The following PCDH15 variants were observed in gnomAD, a reference collection of about 807,000 sequenced individuals.
PCDH15 encodes protocadherin related 15, also known as protocadherin-15.
In PCDH15, 129 loss-of-function variants were observed where a neutral mutation model predicts 178.5. That is an observed-to-expected ratio of 0.72 (90% CI 0.63 to 0.84). The LOEUF (loss-of-function observed/expected upper bound fraction) is 0.84. Ranked by LOEUF, PCDH15 falls within the 40% of genes least tolerant of loss-of-function variation. The pLI is 0.00. For missense variants in PCDH15, 2,230 were observed against 2,099.9 expected (o/e 1.06, Z -1.21); for synonymous variants, 800 against 732.0 (o/e 1.09, Z -1.50).
chr10:55,341,897 T>A (rs1212875989), intron 2 of PCDH15, among the ~76,000 whole-genome samples: 2 of 141,146 alleles, frequency 1.4e-5, no homozygotes, highest in Non-Finnish European at 3.0e-5. Context: ...TCTGCCCACC[T>A]CAGCCAGCCT....
chr10:55,451,650 T>C (rs1230171180), intron 2 of PCDH15, among the ~76,000 whole-genome samples: 2 of 152,206 alleles, frequency 1.3e-5, no homozygotes, highest in African/African-American at 2.4e-5. Context: ...TCATGAAACA[T>C]GTGTGATACT....
In PCDH15 at chr10:53,967,733, A is replaced by G. The variant is rs1461794692; in HGVS notation, c.2869-5841T>C. ...TAAACTATAGAAAACATTTAAAATC[A>G]ATATGAAAATTTTAAATATTAATTT... On this transcript the variant is annotated intron_variant, in intron 21 of 37. Transcript: ENST00000644397. Among the ~76,000 whole-genome samples the G allele has an allele frequency of 2.6e-5, 4 of 152,340 alleles. No homozygotes were observed. In the East Asian group the frequency reaches 5.8e-4, roughly 22 times the overall value.
At chr10:54,811,361 A>C (rs1952859463) in intron 3 of PCDH15, among the ~76,000 whole-genome samples, 4 of 152,138 alleles carry the variant, frequency 2.6e-5, no homozygotes, top group African/African-American at 9.7e-5. Context: ...GAAAAATTCT[A>C]GTTTTGAGAT....
chr10:54,256,272 G>A lies in PCDH15; in HGVS notation c.877-19341C>T, dbSNP rs148540657. 5.7e-3 allele frequency among the ~76,000 whole-genome samples: 868 copies of A among 152,182 alleles called. 3 individuals carry two copies. Among genetic ancestry groups the A allele is most frequent in the African/African-American group, 0.015 (617 of 41,526 alleles). ...GCAATGGCAGAAAAGATAAAAAAAA[G>A]CATTTAATGATGATCTGATGACTAA... On this transcript the variant is annotated intron_variant, in intron 8 of 37. Transcript: ENST00000644397.
intron 1 of PCDH15, among the ~76,000 whole-genome samples, chr10:55,191,585 T>C (rs911897255): frequency 6.6e-6 from 1 of 151,880 alleles, no homozygotes; most frequent in Non-Finnish European, 1.5e-5. Flanking sequence ...ATTTAATCTC[T>C]TTTAACATGG....
At chr10:55,460,112 T>A (rs576755023) in intron 2 of PCDH15, among the ~76,000 whole-genome samples, 2 of 151,574 alleles carry the variant, frequency 1.3e-5, no homozygotes, top group South Asian at 4.2e-4. Flanking sequence ...TGCCACAGAG[T>A]TGGGGGTACG....
At chr10:55,038,651 A>T (rs2131974362) in intron 2 of PCDH15, among the ~76,000 whole-genome samples, 1 of 152,328 alleles carries the variant, frequency 6.6e-6, no homozygotes, top group Non-Finnish European at 1.5e-5. Context: ...TTCTGTTCTG[A>T]TGGGCAGTTG....
At chr10:55,542,077 A>G (rs1012472894) in intron 2 of PCDH15, among the ~76,000 whole-genome samples, 10 of 151,354 alleles carry the variant, frequency 6.6e-5, no homozygotes, top group Admixed American at 1.3e-4. Flanking sequence ...ACTTCCTACC[A>G]AAACAGACAA....
At chr10:54,511,298 G>T (rs1192174123) in intron 3 of PCDH15, among the ~76,000 whole-genome samples, 2 of 152,132 alleles carry the variant, frequency 1.3e-5, no homozygotes, top group Non-Finnish European at 1.5e-5. Flanking sequence ...GGTGGTAACA[G>T]ATATGGGTTA....
intron 2 of PCDH15, among the ~76,000 whole-genome samples, chr10:55,082,554 T>A (rs1456495675): frequency 3.1e-5 from 4 of 127,980 alleles, no homozygotes; most frequent in Non-Finnish European, 3.5e-5. Flanking sequence ...AAAAGAAAGA[T>A]CAGAGCAGAA....
chr10:53,903,844 T>C (rs1039165947), intron 25 of PCDH15, among the ~76,000 whole-genome samples: 1 of 152,208 alleles, frequency 6.6e-6, no homozygotes, highest in Non-Finnish European at 1.5e-5. Context: ...ATAACTTTTA[T>C]GTTTTAAGAC....
chr10:53,881,095 A>T (rs984305421), intron 26 of PCDH15, among the ~76,000 whole-genome samples: 2 of 152,194 alleles, frequency 1.3e-5, no homozygotes, highest in Admixed American at 1.3e-4. Flanking sequence ...TTGTGTCATG[A>T]GTACCAACTT....
At chr10:54,266,278 A>G (rs968608576) in intron 8 of PCDH15, among the ~76,000 whole-genome samples, 2 of 151,828 alleles carry the variant, frequency 1.3e-5, no homozygotes, top group Non-Finnish European at 1.5e-5. Flanking sequence ...CAGAGACACA[A>G]TGAACAAAAA....
intron 1 of PCDH15, among the ~76,000 whole-genome samples, chr10:55,278,294 G>A (rs1277609434): frequency 1.3e-5 from 2 of 151,834 alleles, no homozygotes; most frequent in African/African-American, 4.8e-5. Flanking sequence ...CTTAAGTTGT[G>A]GGTAGACAGT....
At chr10:54,173,353 A>G (rs577017917) in intron 13 of PCDH15, among the ~76,000 whole-genome samples, 1 of 152,282 alleles carries the variant, frequency 6.6e-6, no homozygotes, top group African/African-American at 2.4e-5. Flanking sequence ...ATCATTTTCA[A>G]ATAAATGTGT....
chr10:54,601,255 G>T (rs2134083049), intron 2 of PCDH15, among the ~76,000 whole-genome samples: 1 of 152,002 alleles, frequency 6.6e-6, no homozygotes, highest in Non-Finnish European at 1.5e-5. Context: ...CCAATAGAAT[G>T]GGAGAAATTA....
intron 25 of PCDH15, among the ~76,000 whole-genome samples, chr10:53,905,000 C>T (rs1003662802): frequency 1.4e-4 from 21 of 152,206 alleles, no homozygotes; most frequent in Admixed American, 6.5e-4. Flanking sequence ...AAATGTTATA[C>T]AATTTGCAAA....
chr10:54,304,086 T>A (rs1401728497), intron 8 of PCDH15, among the ~76,000 whole-genome samples: 1 of 152,106 alleles, frequency 6.6e-6, no homozygotes, highest in Admixed American at 6.6e-5. Flanking sequence ...AGTATAAATA[T>A]TTATCATACC....
intron 1 of PCDH15, among the ~76,000 whole-genome samples, chr10:54,733,512 G>A (rs1943680084): frequency 6.6e-6 from 1 of 151,454 alleles, no homozygotes; most frequent in African/African-American, 2.4e-5. Flanking sequence ...TGTATTTGAT[G>A]ACTTATTAAT....
Sources: allele counts gnomAD v4.1 joint callset (sites outside exome capture counted in the v4.1 genomes callset), GRCh38; gene constraint gnomAD v4.1.1; transcripts MANE v1.5; gene names NCBI Gene and HGNC (gene_info 2026-07-23, HGNC 2026-07-21).